Variants in CNTNAP2 observed in about 807,000 individuals in gnomAD.
CNTNAP2 encodes the protein contactin associated protein 2, also known as contactin-associated protein-like 2.
CNTNAP2 carries 98 observed loss-of-function variants against 155.2 expected under a neutral mutation model. That is an observed-to-expected ratio of 0.63 (90% CI 0.54 to 0.75). CNTNAP2 has a LOEUF of 0.75. Among genes scored for constraint, CNTNAP2 ranks in the 30% least tolerant of loss-of-function variants. CNTNAP2 has a pLI of 0.00. For missense variants in CNTNAP2, 1,727 were observed against 1,688.1 expected (o/e 1.02, Z -0.40); for synonymous variants, 651 against 631.2 (o/e 1.03, Z -0.47).
At chr7:147,528,790 G>A (rs11767320) in intron 11 of CNTNAP2, among the ~76,000 whole-genome samples, 26,965 of 152,110 alleles carry the variant, frequency 0.18, 2,764 homozygotes, top group Admixed American at 0.24. Context: ...ATGTAAATCT[G>A]TTATAATACC....
chr7:146,438,379 T>C (rs1222281021), intron 1 of CNTNAP2, among the ~76,000 whole-genome samples: 1 of 151,192 alleles, frequency 6.6e-6, no homozygotes, highest in Non-Finnish European at 1.5e-5. Flanking sequence ...GTTTTTCATC[T>C]TATTTATTTC....
At chr7:148,247,108 T>C (rs947801471) in intron 20 of CNTNAP2, among the ~76,000 whole-genome samples, 4 of 152,184 alleles carry the variant, frequency 2.6e-5, no homozygotes, top group Non-Finnish European at 2.9e-5. Flanking sequence ...AAAACTATAA[T>C]ACAAACTATA....
chr7:147,269,621 G>T (rs1404401431), intron 8 of CNTNAP2, among the ~76,000 whole-genome samples: 1 of 152,210 alleles, frequency 6.6e-6, no homozygotes, highest in African/African-American at 2.4e-5. Context: ...TGATGATATT[G>T]CTGGAGGAGA....
chr7:148,161,908 T>C (rs1585159640), intron 17 of CNTNAP2, among the ~76,000 whole-genome samples: 2 of 152,252 alleles, frequency 1.3e-5, no homozygotes, highest in East Asian at 3.9e-4. Context: ...TTCTCTTCTT[T>C]TTCCTCCACC....
intron 13 of CNTNAP2, among the ~76,000 whole-genome samples, chr7:147,883,282 C>T (rs1159336682): frequency 1.3e-5 from 2 of 152,142 alleles, no homozygotes; most frequent in Admixed American, 6.5e-5. Flanking sequence ...TAAGAGTAGA[C>T]TGTCAAAACA....
intron 9 of CNTNAP2, among the ~76,000 whole-genome samples, chr7:147,315,076 C>CT (rs1414596137): frequency 7.3e-6 from 1 of 136,436 alleles, no homozygotes; most frequent in Non-Finnish European, 1.6e-5. Context: ...GGCTTTCACA[C>CT]TTTAATGTCC....
intron 21 of CNTNAP2, among the ~76,000 whole-genome samples, chr7:148,359,507 C>T (rs1798579734): frequency 6.6e-6 from 1 of 152,110 alleles, no homozygotes; most frequent in South Asian, 2.1e-4. Context: ...TGTATGTGTG[C>T]CTTTAGCCTA....
chr7:147,031,383 T>A (rs570363218), intron 3 of CNTNAP2, among the ~76,000 whole-genome samples: 191 of 152,334 alleles, frequency 1.3e-3, no homozygotes, highest in African/African-American at 4.4e-3. Flanking sequence ...GAAATTCTTC[T>A]CCTAGGCATT....
chr7:147,502,213 GA>G (rs751288817), intron 11 of CNTNAP2, among the ~76,000 whole-genome samples: 1 of 151,054 alleles, frequency 6.6e-6, no homozygotes, highest in Admixed American at 6.6e-5. Flanking sequence ...TATAGAAATA[GA>G]AAAAAAAATC....
intron 1 of CNTNAP2, among the ~76,000 whole-genome samples, chr7:146,658,997 C>A (rs1455568459): frequency 6.6e-6 from 1 of 152,192 alleles, no homozygotes; most frequent in African/African-American, 2.4e-5. Context: ...ACTGGAGACA[C>A]CGCAGCCACT....
At chr7:146,907,879 C>T (rs1018368073) in intron 3 of CNTNAP2, among the ~76,000 whole-genome samples, 5 of 152,126 alleles carry the variant, frequency 3.3e-5, no homozygotes, top group Non-Finnish European at 4.4e-5. Flanking sequence ...AGTCAAGACC[C>T]ATCAGTGTGC....
chr7:146,387,374 T>C (rs1795475921), intron 1 of CNTNAP2, among the ~76,000 whole-genome samples: 1 of 152,120 alleles, frequency 6.6e-6, no homozygotes, highest in African/African-American at 2.4e-5. Flanking sequence ...GAAACAAGCT[T>C]AGAACAGCCT....
At chr7:146,243,918 A>T (rs1036382971) in intron 1 of CNTNAP2, among the ~76,000 whole-genome samples, 1 of 152,156 alleles carries the variant, frequency 6.6e-6, no homozygotes, top group Non-Finnish European at 1.5e-5. Flanking sequence ...ATAATGGGCG[A>T]TGTTTCTCAG....
intron 13 of CNTNAP2, among the ~76,000 whole-genome samples, chr7:147,674,518 T>C (rs888706827): frequency 2.6e-5 from 4 of 152,140 alleles, no homozygotes; most frequent in Non-Finnish European, 4.4e-5. Flanking sequence ...AATGAGCGTA[T>C]AAAAATACAA....
intron 1 of CNTNAP2, among the ~76,000 whole-genome samples, chr7:146,562,935 A>G (rs982064097): frequency 2.0e-5 from 3 of 152,158 alleles, no homozygotes; most frequent in African/African-American, 7.2e-5. Flanking sequence ...CAGACACTCT[A>G]TTAGGTTTTG....
chr7:147,191,424 C>A (rs559987389), intron 8 of CNTNAP2, among the ~76,000 whole-genome samples: 1 of 152,254 alleles, frequency 6.6e-6, no homozygotes, highest in African/African-American at 2.4e-5. Context: ...ACGCAAAGTT[C>A]ATGGGCTTTA....
chr7:146,779,942 C>T (rs1042754807), intron 2 of CNTNAP2, among the ~76,000 whole-genome samples: 5 of 152,160 alleles, frequency 3.3e-5, no homozygotes, highest in African/African-American at 7.2e-5. Context: ...GAAGTTTCTA[C>T]GTGTATCTCA....
intron 9 of CNTNAP2, among the ~76,000 whole-genome samples, chr7:147,344,142 C>T (rs1795808033): frequency 6.6e-6 from 1 of 152,088 alleles, no homozygotes; most frequent in Non-Finnish European, 1.5e-5. Context: ...GATTTTAAAG[C>T]CCATGTCTTT....
intron 15 of CNTNAP2, among the ~76,000 whole-genome samples, chr7:148,040,885 T>C (rs1215171738): frequency 6.6e-6 from 1 of 152,020 alleles, no homozygotes; most frequent in Non-Finnish European, 1.5e-5. Context: ...CTCACACCTG[T>C]AATCCCAGCA....
Sources: gnomAD v4.1 joint callset for allele counts (sites outside exome capture counted in the v4.1 genomes callset) on GRCh38, gnomAD v4.1.1 for gene constraint, MANE v1.5 for transcripts, NCBI Gene and HGNC (gene_info 2026-07-23, HGNC 2026-07-21) for gene names.